The following TMPRSS7 variants were observed in gnomAD, a reference collection of about 807,000 sequenced individuals.
The protein encoded by TMPRSS7 is transmembrane serine protease 7.
In TMPRSS7, 81 loss-of-function variants were observed where a neutral mutation model predicts 95.6. The ratio of observed to expected loss-of-function variants is 0.85; its 90% CI spans 0.71 to 1.02. The LOEUF (loss-of-function observed/expected upper bound fraction) is 1.02, where lower values mean the gene tolerates loss of function less well. Ranked by LOEUF, TMPRSS7 falls within the 50% of genes least tolerant of loss-of-function variation. The probability of loss-of-function intolerance (pLI) is 0.00; values close to 1 mark genes in which losing one functional copy is unlikely to be tolerated. For synonymous variants in TMPRSS7, 364 were observed against 337.8 expected, an observed-to-expected ratio of 1.08 and a Z score of -0.85; for missense variants, 945 against 955.2, an observed-to-expected ratio of 0.99 and a Z score of 0.14.
At chr3:112,076,792 CCCT>C (rs2073714313) in intron 15 of TMPRSS7, 81 bp from the exon 16 acceptor site, 2 of 1,492,044 alleles carry the variant, frequency 1.3e-6, no homozygotes, top group Admixed American at 3.9e-5. Context: ...TCTTTTTCAG[CCCT>C]CAACTCTTTA....
chr3:112,075,293 T>G (rs1396289911), intron 14 of TMPRSS7, 28 bp from the exon 15 acceptor site: 1 of 1,378,994 alleles, frequency 7.3e-7, no homozygotes, highest in East Asian at 2.8e-5. Context: ...AGTCTACCTT[T>G]AAATCACATG....
Position 112,047,965 on chromosome 3 carries a change from C to T in TMPRSS7, c.957C>T (p.Tyr319=). The stretch of plus-strand genomic sequence containing the variant: ...TGCCCATCCGGAGCAGCATCTTGTA[C>T]AGGTACGATGCAGGTACTCTTCTTG... The change falls in exon 7 of 18, where the codon TAC becomes TAT. Residue 319 remains tyrosine (Y), a splice_region_variant and synonymous_variant. Coordinates refer to ENST00000452346, the Ensembl canonical transcript of TMPRSS7. The T allele has an allele frequency of 6.2e-7, 1 of 1,611,920 alleles. No individual in the cohort carries two copies. Among genetic ancestry groups the T allele is most frequent in the Non-Finnish European group, 8.5e-7 (1 of 1,178,000 alleles).
intron 17 of TMPRSS7, among the ~76,000 whole-genome samples, chr3:112,079,901 A>C (rs1164787508): frequency 6.6e-6 from 1 of 152,188 alleles, no homozygotes; most frequent in African/African-American, 2.4e-5. Context: ...TAAATGTCTG[A>C]GCTGGGATTT....
intron 10 of TMPRSS7, among the ~76,000 whole-genome samples, chr3:112,059,992 G>A (rs536756561): frequency 1.5e-4 from 23 of 152,158 alleles, no homozygotes; most frequent in African/African-American, 2.9e-4. Flanking sequence ...CCTAAGCATC[G>A]GCTGGGTTGA....
At chr3:112,060,241 G>T (rs1335602004) in intron 10 of TMPRSS7, among the ~76,000 whole-genome samples, 1 of 152,188 alleles carries the variant, frequency 6.6e-6, no homozygotes, top group African/African-American at 2.4e-5. Context: ...CAGGACCACA[G>T]GACCGGGGCA....
At position 112,078,893 on chromosome 3, in the gene TMPRSS7, C is replaced by T. The variant is rs751971995; in HGVS notation, c.2361+15C>T. 2 of 1,611,434 alleles carry T rather than the reference C, an allele frequency of 1.2e-6. No individual in the cohort carries two copies. The highest frequency in any genetic ancestry group is 1.1e-5 in the South Asian group (1 of 91,020). On this transcript the variant is annotated intron_variant, in intron 17 of 17. Coordinates refer to ENST00000452346, the Ensembl canonical transcript of TMPRSS7. The stretch of plus-strand genomic sequence containing the variant: ...ATGCCTGCAAAGTAAGTCATTGTAC[C>T]TTTCCCTTGCCTAACATGTTGTGCT...
chr3:112,064,408 G>A (rs2073550305), intron 12 of TMPRSS7, among the ~76,000 whole-genome samples: 1 of 151,870 alleles, frequency 6.6e-6, no homozygotes, highest in South Asian at 2.1e-4. Context: ...GAGTGCAGTG[G>A]CACAATCACA....
In TMPRSS7 at chr3:112,058,160, C is replaced by G. The variant is rs377525598; in HGVS notation, c.1310+1029C>G. Among the ~76,000 whole-genome samples the G allele has an allele frequency of 4.1e-4, 63 of 152,320 alleles. 1 individual carries two copies. In the Middle Eastern group the frequency reaches 0.01, roughly 25 times the overall value. The stretch of plus-strand genomic sequence containing the variant: ...GCTCATTGTTATTCTATGAGTGAAA[C>G]CTTCCCTTTCTAAGTGCTTTTTCAG... On this transcript the variant is annotated intron_variant, in intron 10 of 17. Coordinates refer to ENST00000452346, the Ensembl canonical transcript of TMPRSS7.
intron 4 of TMPRSS7, 92 bp from the exon 5 acceptor site, chr3:112,045,658 G>C: frequency 8.0e-7 from 1 of 1,247,578 alleles, no homozygotes; most frequent in Non-Finnish European, 1.1e-6. Flanking sequence ...TGAAGGATGT[G>C]CTCATTGGCC....
rs941258582 is a variant in TMPRSS7, at chr3:112,047,853, G to A, written c.845G>A (p.Gly282Asp). 2 of 1,614,002 alleles carry A rather than the reference G, an allele frequency of 1.2e-6. No homozygotes were observed. Among genetic ancestry groups the A allele is most frequent in the African/African-American group, 1.3e-5 (1 of 74,902 alleles). The change falls in exon 7 of 18, where the codon GGC becomes GAC. Residue 282 changes from glycine to aspartate, a missense_variant. Physicochemically the swap from Gly to Asp is moderately conservative, Grantham distance 94. Transcript: ENST00000452346. ...CACTTCAAGCTGGTGGCCATAGTGG[G>A]CTACCTGATTCGTCTCTCAATCAAG...
At chr3:112,050,549 A>T in intron 8 of TMPRSS7, 122 bp from the exon 9 acceptor site, 2 of 396,224 alleles carry the variant, frequency 5.0e-6, no homozygotes, top group Non-Finnish European at 9.2e-6. Context: ...CCCAAAGTTT[A>T]AGAAATGTAT....
intron 1 of TMPRSS7, among the ~76,000 whole-genome samples, chr3:112,035,314 G>T (rs1434041136): frequency 6.6e-6 from 1 of 152,192 alleles, no homozygotes; most frequent in Non-Finnish European, 1.5e-5. Flanking sequence ...ACAATGGAAT[G>T]TTTCTCTCTT....
intron 15 of TMPRSS7, among the ~76,000 whole-genome samples, chr3:112,075,892 C>T (rs999809859): frequency 9.9e-5 from 15 of 152,052 alleles, no homozygotes; most frequent in African/African-American, 3.6e-4. Flanking sequence ...AAAATAACCT[C>T]ACTTAAAATT....
chr3:112,073,364 G>A (rs544104781), intron 13 of TMPRSS7, among the ~76,000 whole-genome samples: 61 of 152,076 alleles, frequency 4.0e-4, no homozygotes, highest in Non-Finnish European at 8.4e-4. Context: ...AAAGTGCTGG[G>A]ATTACAGGCA....
At chr3:112,080,540 AC>A (rs2073765303) in intron 17 of TMPRSS7, among the ~76,000 whole-genome samples, 1 of 130,398 alleles carries the variant, frequency 7.7e-6, no homozygotes, top group Admixed American at 8.4e-5. Context: ...TACTACTACT[AC>A]TACTACCACC....
At chr3:112,057,070 T>G in exon 10 of TMPRSS7, 1 of 1,613,494 alleles carries the variant, frequency 6.2e-7, no homozygotes, top group Non-Finnish European at 8.5e-7. Context: ...CTATAACTAT[T>G]CAATAACCAA....
chr3:112,051,545 ATCTATC>A (rs1321037649), intron 9 of TMPRSS7, among the ~76,000 whole-genome samples: 1 of 151,022 alleles, frequency 6.6e-6, no homozygotes, highest in Non-Finnish European at 1.5e-5. Flanking sequence ...CTATCTATCT[ATCTATC>A]TATCTATCTA....
At position 112,057,009 on chromosome 3, in the gene TMPRSS7, A is replaced by T. The variant is rs1452585606; in HGVS notation, c.1204-16A>T. On this transcript the variant is annotated splice_polypyrimidine_tract_variant and intron_variant, in intron 9 of 17. Coordinates refer to ENST00000452346, the Ensembl canonical transcript of TMPRSS7. ...GATTGAAGCATTTTTTTCTGACTTA[A>T]TGTTTATTTTCACAGACTTCTCTAT... The T allele has an allele frequency of 3.9e-6, 6 of 1,542,496 alleles. No homozygotes were observed. In the Admixed American group the frequency reaches 8.9e-5, roughly 23 times the overall value.
At chr3:112,066,555 T>C in intron 13 of TMPRSS7, 53 bp downstream of exon 13, 2 of 1,541,184 alleles carry the variant, frequency 1.3e-6, no homozygotes, top group African/African-American at 2.7e-5. Flanking sequence ...CTCTTCTAAA[T>C]CAGGACAAAA....
Sources: allele counts gnomAD v4.1 joint callset (sites outside exome capture counted in the v4.1 genomes callset), GRCh38; gene constraint gnomAD v4.1.1; transcripts MANE v1.5; gene names NCBI Gene and HGNC (gene_info 2026-07-23, HGNC 2026-07-21).